The following EIF4EBP2 variants were observed in gnomAD, a reference collection of about 807,000 sequenced individuals.
The protein encoded by EIF4EBP2 is eukaryotic translation initiation factor 4E-binding protein 2.
A neutral mutation model predicts 10.3 loss-of-function variants in EIF4EBP2; 5 were observed. That is an observed-to-expected ratio of 0.48 (90% CI 0.25 to 1.02). The LOEUF is 1.02. Ranked by LOEUF, EIF4EBP2 falls within the 50% of genes least tolerant of loss-of-function variation. The pLI is 0.15. For synonymous variants in EIF4EBP2, 67 were observed against 61.1 expected, an observed-to-expected ratio of 1.10 and a Z score of -0.45; for missense variants, 188 against 162.2, an observed-to-expected ratio of 1.16 and a Z score of -0.86.
In EIF4EBP2 at chr10:70,428,377, G is replaced by C. The variant is rs958708268; in HGVS notation, c.*6630G>C. On this transcript the variant is annotated 3_prime_UTR_variant, in exon 3 of 3. Transcript: ENST00000373218. ...GCGGAGACTGCCAGCACTTTCCTTG[G>C]TCTTCCCTTTGTCTCCCATGATGTG... The C allele has an allele frequency of 6.6e-6, 1 of 152,002 alleles. No homozygotes were observed. Among genetic ancestry groups the C allele is most frequent in the Admixed American group, 6.6e-5 (1 of 15,262 alleles). The allele number at this position is 152,002 out of a possible 1,614,324, so 9.4% of individuals were successfully genotyped here.
rs1179941274 is a variant in EIF4EBP2 at position 70,425,330 on chromosome 10, C to T, written c.*3583C>T. 1.3e-5 allele frequency: 2 copies of T among 152,244 alleles called. No individual in the cohort carries two copies. Among genetic ancestry groups the T allele is most frequent in the African/African-American group, 4.8e-5 (2 of 41,444 alleles). 9.4% of individuals were successfully genotyped at this position (152,244 alleles called of 1,614,324 possible). A position where few individuals can be genotyped will look rare whatever the true frequency, so the allele number is the denominator to read the frequency against. On this transcript the variant is annotated 3_prime_UTR_variant, in exon 3 of 3. Coordinates refer to ENST00000373218, the MANE Select transcript of EIF4EBP2 (RefSeq NM_004096.5). ...CTTATCCTAGTTGTTAGAAGCAAGCCACTAAGTTCAGCCTGCACTCAAGGA... is the reference window on the plus strand; with the variant it reads ...CTTATCCTAGTTGTTAGAAGCAAGCTACTAAGTTCAGCCTGCACTCAAGGA...
intron 2 of EIF4EBP2, 126 bp from the exon 3 acceptor site, chr10:70,421,590 T>G: frequency 1.2e-6 from 1 of 829,962 alleles, no homozygotes; most frequent in Non-Finnish European, 1.9e-6. Flanking sequence ...GAGTAATTGT[T>G]TTAAGGCAGC....
In EIF4EBP2 at chr10:70,424,195, A is replaced by G. The variant is rs1845185691; in HGVS notation, c.*2448A>G. On this transcript the variant is annotated 3_prime_UTR_variant, in exon 3 of 3. Transcript: ENST00000373218. ...AAGCATGAGCTTTAGTAGTATCAAG[A>G]TGCCATTTTCCTTTTTCTTGCTGTC... is the stretch of plus-strand genomic sequence containing the variant. 1 of 152,174 alleles carries G rather than the reference A, an allele frequency of 6.6e-6. No homozygotes were observed. The highest frequency in any genetic ancestry group is 6.5e-5 in the Admixed American group (1 of 15,280). The allele number at this position is 152,174 out of a possible 1,614,324, so 9.4% of individuals were successfully genotyped here.
At position 70,420,024 on chromosome 10, in the gene EIF4EBP2, A is replaced by C; in HGVS notation, c.256A>C (p.Thr86Pro). The part of the protein sequence containing the change: ...PNIPGVTSPG[T>P]LIEDSKVEVN... Reference sequence around the variant, plus strand: ...TATCCCAGGAGTCACTAGCCCTGGCACCTTAATTGAAGACTCCAAAGTAGA... The same window carrying C: ...TATCCCAGGAGTCACTAGCCCTGGCCCCTTAATTGAAGACTCCAAAGTAGA... Residue 86 changes from threonine to proline, a missense_variant, in exon 2 of 3, where the codon ACC (threonine) becomes CCC (proline). By Grantham distance (38) the Thr-to-Pro change is conservative (BLOSUM62 -1). Coordinates refer to ENST00000373218, the MANE Select transcript of EIF4EBP2 (RefSeq NM_004096.5). The C allele has an allele frequency of 6.2e-7, 1 of 1,613,394 alleles. No individual in the cohort carries two copies. Among genetic ancestry groups the C allele is most frequent in the Non-Finnish European group, 8.5e-7 (1 of 1,179,810 alleles).
In EIF4EBP2 at chr10:70,426,109, GGTCTT is replaced by G. The variant is rs1219630759; in HGVS notation, c.*4365_*4369del. ...GATGGCAATGTGTTCTTAAATAACT[GGTCTT>G]GTGTTCATGCTAAAGACAAACTTAC... On this transcript the variant is annotated 3_prime_UTR_variant, in exon 3 of 3. Transcript: ENST00000373218. The G allele has an allele frequency of 6.6e-6, 1 of 152,144 alleles. No homozygotes were observed. Among genetic ancestry groups the G allele is most frequent in the African/African-American group, 2.4e-5 (1 of 41,432 alleles). The allele number at this position is 152,144 out of a possible 1,614,324, so 9.4% of individuals were successfully genotyped here. A position where few individuals can be genotyped will look rare whatever the true frequency, so the allele number is the denominator to read the frequency against.
Position 70,420,058 on chromosome 10 carries a change from AT to A in EIF4EBP2, c.293del (p.Leu98Ter). The A allele has an allele frequency of 6.2e-7, 1 of 1,611,654 alleles. No individual in the cohort carries two copies. The highest frequency in any genetic ancestry group is 1.7e-5 in the Admixed American group (1 of 59,482). On this transcript the variant is annotated frameshift_variant, in exon 2 of 3. Transcript: ENST00000373218. LOFTEE classifies it high-confidence loss of function. Reference protein sequence around the residue: ...LIEDSKVEVNNLNNLNNHDRK... With the variant: ...LIEDSKVEVNXLNNLNNHDRK... ...GAAGACTCCAAAGTAGAAGTAAACA[AT>A]TTGAACAACTTGAACAATCACGACA...
At chr10:70,415,423 T>C (rs1253061513) in intron 1 of EIF4EBP2, among the ~76,000 whole-genome samples, 1 of 152,220 alleles carries the variant, frequency 6.6e-6, no homozygotes, top group Non-Finnish European at 1.5e-5. Context: ...TCAGCTGGCT[T>C]CTTTGACAAG....
intron 1 of EIF4EBP2, among the ~76,000 whole-genome samples, chr10:70,408,495 A>G (rs1479305930): frequency 2.0e-5 from 3 of 152,242 alleles, no homozygotes; most frequent in African/African-American, 4.8e-5. Context: ...TTTAATCACT[A>G]TTACAGCAAT....
At position 70,423,506 on chromosome 10, in the gene EIF4EBP2, C is replaced by G. The variant is rs1845178883; in HGVS notation, c.*1759C>G. On this transcript the variant is annotated 3_prime_UTR_variant, in exon 3 of 3. Coordinates refer to ENST00000373218, the MANE Select transcript of EIF4EBP2 (RefSeq NM_004096.5). ...TCATAGAAAGACAAAAGCATCCATC[C>G]CCTCATAGTTAAGTAGCCACTGGTG... 1 of 152,490 alleles carries G rather than the reference C, an allele frequency of 6.6e-6. No homozygotes were observed. The highest frequency in any genetic ancestry group is 1.5e-5 in the Non-Finnish European group (1 of 68,022). The allele number at this position is 152,490 out of a possible 1,614,324, so 9.4% of individuals were successfully genotyped here.
intron 1 of EIF4EBP2, among the ~76,000 whole-genome samples, chr10:70,417,986 T>A (rs1845114882): frequency 6.6e-6 from 1 of 152,152 alleles, no homozygotes; most frequent in South Asian, 2.1e-4. Flanking sequence ...AAACACCAAG[T>A]TAGAAAGGGT....
chr10:70,425,210 C>T lies in EIF4EBP2; in HGVS notation c.*3463C>T, dbSNP rs1189756886. ...CCTCACACCATGACACCTGGCTTCT[C>T]CCTGAGCAGCTGATTCCAGAGATCA... On this transcript the variant is annotated 3_prime_UTR_variant, in exon 3 of 3. Coordinates refer to ENST00000373218, the MANE Select transcript of EIF4EBP2 (RefSeq NM_004096.5). 6.6e-6 allele frequency: 1 copy of T among 152,258 alleles called. No individual in the cohort carries two copies. The highest frequency in any genetic ancestry group is 2.4e-5 in the African/African-American group (1 of 41,458). The allele number at this position is 152,258 out of a possible 1,614,324, so 9.4% of individuals were successfully genotyped here.
chr10:70,404,572 C>T, intron 1 of EIF4EBP2, 26 bp downstream of exon 1: 6 of 1,512,460 alleles, frequency 4.0e-6, no homozygotes, highest in South Asian at 1.3e-5. Context: ...CCGTCCGCCG[C>T]GCCCGGTGTC....
At chr10:70,417,720 A>G (rs1845112122) in intron 1 of EIF4EBP2, among the ~76,000 whole-genome samples, 1 of 152,174 alleles carries the variant, frequency 6.6e-6, no homozygotes, top group Non-Finnish European at 1.5e-5. Flanking sequence ...CACAATTTCC[A>G]AGCTTGATGT....
chr10:70,414,562 A>T (rs1478803355), intron 1 of EIF4EBP2, among the ~76,000 whole-genome samples: 1 of 152,200 alleles, frequency 6.6e-6, no homozygotes, highest in Non-Finnish European at 1.5e-5. Context: ...AAGATAAAAG[A>T]GCCATATAGA....
intron 1 of EIF4EBP2, among the ~76,000 whole-genome samples, chr10:70,406,436 A>G (rs1844964988): frequency 6.6e-6 from 1 of 152,242 alleles, no homozygotes; most frequent in Admixed American, 6.5e-5. Context: ...GGTATTGCTC[A>G]GTAAATGCCT....
chr10:70,415,886 AC>A (rs998122577), intron 1 of EIF4EBP2, among the ~76,000 whole-genome samples: 7 of 152,092 alleles, frequency 4.6e-5, no homozygotes, highest in Non-Finnish European at 8.8e-5. Context: ...AAAAAAAAAA[AC>A]ATACATTGGA....
At chr10:70,410,824 C>T (rs1002303833) in intron 1 of EIF4EBP2, among the ~76,000 whole-genome samples, 1 of 152,140 alleles carries the variant, frequency 6.6e-6, no homozygotes, top group African/African-American at 2.4e-5. Flanking sequence ...TTGGTGGGCC[C>T]TTATGTGAGA....
intron 1 of EIF4EBP2, among the ~76,000 whole-genome samples, chr10:70,416,469 C>T (rs1845095991): frequency 6.6e-6 from 1 of 150,482 alleles, no homozygotes; most frequent in South Asian, 2.1e-4. Context: ...GTCCCAGGTA[C>T]TTGGGAGGCT....
chr10:70,404,561 G>A lies in EIF4EBP2; in HGVS notation c.145+15G>A. The A allele has an allele frequency of 6.5e-7, 1 of 1,527,612 alleles. No individual in the cohort carries two copies. The highest frequency in any genetic ancestry group is 8.8e-7 in the Non-Finnish European group (1 of 1,141,856). The allele number at this position is 1,527,612 out of a possible 1,614,324, so 94.6% of individuals were successfully genotyped here. On this transcript the variant is annotated intron_variant, in intron 1 of 2. Transcript: ENST00000373218. ...CACACCGGGAGGTGAGCGCCGGCCA[G>A]CCGTCCGCCGCGCCCGGTGTCCCGC...
Sources: allele counts gnomAD v4.1 joint callset (sites outside exome capture counted in the v4.1 genomes callset), GRCh38; gene constraint gnomAD v4.1.1; transcripts MANE v1.5; gene names NCBI Gene and HGNC (gene_info 2026-07-23, HGNC 2026-07-21).